The following DAB1 variants were observed in gnomAD, a reference collection of about 807,000 sequenced individuals.
DAB1 encodes the protein disabled homolog 1.
A neutral mutation model predicts 64.6 loss-of-function variants in DAB1; 15 were observed. The ratio of observed to expected loss-of-function variants is 0.23; its 90% CI spans 0.16 to 0.36. The LOEUF is 0.36. Among genes scored for constraint, DAB1 ranks in the 10% least tolerant of loss-of-function variants. The pLI is 1.00. For synonymous variants in DAB1, 235 were observed against 251.9 expected, an observed-to-expected ratio of 0.93 and a Z score of 0.64; for missense variants, 596 against 706.7, an observed-to-expected ratio of 0.84 and a Z score of 1.78.
chr1:58,127,732 CTTGT>C lies in DAB1; in HGVS notation n.387+22775_387+22778del, dbSNP rs1252265016. Reference sequence around the variant, plus strand: ...TAAATAGGGAATCCTTTCCCCATTGCTTGTTTTTCTCAGGTTTGTCAAAGATCAC... The same window carrying C: ...TAAATAGGGAATCCTTTCCCCATTGCTTTTCTCAGGTTTGTCAAAGATCAC... On this transcript the variant is annotated intron_variant and non_coding_transcript_variant, in intron 5 of 20. Transcript: ENST00000485760. Among the ~76,000 whole-genome samples, 3 of 151,734 alleles carry C rather than the reference CTTGT, an allele frequency of 2.0e-5. No individual in the cohort carries two copies. The East Asian group carries it at 5.8e-4, about 29-fold the overall frequency.
At chr1:57,454,277 G>A (rs1686498261) in intron 7 of DAB1, among the ~76,000 whole-genome samples, 1 of 152,034 alleles carries the variant, frequency 6.6e-6, no homozygotes, top group South Asian at 2.1e-4. Flanking sequence ...GTGACAAACT[G>A]GATAAAGAAA....
chr1:58,250,829 C>A (rs956082918), intron 4 of DAB1, among the ~76,000 whole-genome samples: 3 of 152,212 alleles, frequency 2.0e-5, no homozygotes, highest in Admixed American at 1.3e-4. Context: ...GGAGAGCCCT[C>A]TCTGTGCTGC....
At chr1:57,033,394 C>G (rs1285471639) in intron 9 of DAB1, 1 of 1,612,868 alleles carries the variant, frequency 6.2e-7, no homozygotes, top group South Asian at 1.1e-5. Context: ...ACCTTCGTTG[C>G]CTCAAAAATC....
intron 7 of DAB1, among the ~76,000 whole-genome samples, chr1:57,611,032 C>A (rs1025247612): frequency 6.6e-6 from 1 of 151,992 alleles, no homozygotes; most frequent in Non-Finnish European, 1.5e-5. Flanking sequence ...ATCTAGCAAC[C>A]CTCAAGTTTC....
intron 2 of DAB1, among the ~76,000 whole-genome samples, chr1:57,248,518 CAT>C (rs1196859817): frequency 6.6e-6 from 1 of 152,164 alleles, no homozygotes; most frequent in African/African-American, 2.4e-5. Context: ...ACCAAACAAA[CAT>C]ATGACTGTAT....
intron 7 of DAB1, among the ~76,000 whole-genome samples, chr1:57,477,300 C>T (rs995302282): frequency 3.3e-4 from 50 of 152,286 alleles, no homozygotes; most frequent in African/African-American, 1.2e-3. Context: ...ACCCCTAAAA[C>T]CAGAGTTTAA....
intron 4 of DAB1, among the ~76,000 whole-genome samples, chr1:58,231,228 G>A (rs1168055435): frequency 6.6e-6 from 1 of 152,200 alleles, no homozygotes; most frequent in Non-Finnish European, 1.5e-5. Context: ...CCACTGATAA[G>A]TGGTAGAGCT....
chr1:57,691,706 A>G (rs981919377), intron 6 of DAB1, among the ~76,000 whole-genome samples: 3 of 152,156 alleles, frequency 2.0e-5, no homozygotes, highest in Admixed American at 2.0e-4. Flanking sequence ...ACTCACTGCG[A>G]AGGTCTGCAG....
intron 9 of DAB1, among the ~76,000 whole-genome samples, chr1:57,045,828 A>G (rs1165526521): frequency 1.3e-5 from 2 of 152,226 alleles, no homozygotes; most frequent in Non-Finnish European, 2.9e-5. Context: ...TGCTGGAGAG[A>G]AACATAACGA....
chr1:57,434,360 T>G (rs1001423093), intron 7 of DAB1, among the ~76,000 whole-genome samples: 1 of 152,116 alleles, frequency 6.6e-6, no homozygotes, highest in African/African-American at 2.4e-5. Flanking sequence ...CAAAACATTT[T>G]GAGTGAAAAA....
chr1:58,199,531 TTC>T (rs1657885225), intron 4 of DAB1, among the ~76,000 whole-genome samples: 1 of 152,200 alleles, frequency 6.6e-6, no homozygotes, highest in Non-Finnish European at 1.5e-5. Flanking sequence ...TATAGGATTG[TTC>T]TGAGGATTAA....
At chr1:57,067,385 C>T (rs954137363) in intron 8 of DAB1, among the ~76,000 whole-genome samples, 1 of 152,122 alleles carries the variant, frequency 6.6e-6, no homozygotes, top group South Asian at 2.1e-4. Flanking sequence ...AGTGGGGGCT[C>T]TACCTATTGC....
chr1:57,840,949 A>C (rs1055295240), intron 1 of DAB1, among the ~76,000 whole-genome samples: 1 of 152,228 alleles, frequency 6.6e-6, no homozygotes, highest in African/African-American at 2.4e-5. Flanking sequence ...GTCTTAACTC[A>C]TTCCAGCATT....
At chr1:57,182,306 C>T (rs988605145) in intron 2 of DAB1, among the ~76,000 whole-genome samples, 3 of 152,188 alleles carry the variant, frequency 2.0e-5, no homozygotes, top group Non-Finnish European at 4.4e-5. Context: ...GTCCCAGGTA[C>T]TTGTATGTTA....
intron 6 of DAB1, among the ~76,000 whole-genome samples, chr1:57,739,358 G>T (rs1245571817): frequency 6.8e-6 from 1 of 146,242 alleles, no homozygotes; most frequent in Non-Finnish European, 1.5e-5. Context: ...GAGGAGTCAG[G>T]GAAGAATAAC....
intron 3 of DAB1, among the ~76,000 whole-genome samples, chr1:58,403,000 T>G (rs1441924796): frequency 6.6e-6 from 1 of 152,198 alleles, no homozygotes; most frequent in African/African-American, 2.4e-5. Context: ...GGGTCTCCAC[T>G]GGCAATATCA....
intron 4 of DAB1, among the ~76,000 whole-genome samples, chr1:58,198,076 A>G (rs1385066576): frequency 2.0e-5 from 3 of 152,204 alleles, no homozygotes; most frequent in African/African-American, 7.2e-5. Context: ...CAGAAATGCC[A>G]CCATTTCACT....
intron 1 of DAB1, among the ~76,000 whole-genome samples, chr1:57,845,897 C>A (rs1653257752): frequency 2.0e-5 from 3 of 152,144 alleles, no homozygotes; most frequent in South Asian, 4.1e-4. Flanking sequence ...GAAAACCCTT[C>A]AAATATTCCT....
rs12072447 is a variant in DAB1 at position 57,176,337 on chromosome 1, A to C, written c.68-30908T>G. ...ACAGTCATGATGGAAGGTGGAAGGC[A>C]CATCTCACATGGCAGCCAACAAGAT... On this transcript the variant is annotated intron_variant, in intron 2 of 14. Transcript: ENST00000371236. Among the ~76,000 whole-genome samples the C allele has an allele frequency of 5.4e-3, 823 of 152,260 alleles. 9 individuals carry two copies. The highest frequency in any genetic ancestry group is 0.019 in the African/African-American group (782 of 41,562).
Sources: allele counts gnomAD v4.1 joint callset (sites outside exome capture counted in the v4.1 genomes callset), GRCh38; gene constraint gnomAD v4.1.1; transcripts MANE v1.5; gene names NCBI Gene and HGNC (gene_info 2026-07-23, HGNC 2026-07-21).